The following MINDY3 variants were observed in gnomAD, a reference collection of about 807,000 sequenced individuals.
MINDY3 encodes ubiquitin carboxyl-terminal hydrolase MINDY-3.
In MINDY3, 38 loss-of-function variants were observed where a neutral mutation model predicts 69.2. That is an observed-to-expected ratio of 0.55 (90% CI 0.42 to 0.72). The LOEUF (loss-of-function observed/expected upper bound fraction) is 0.72, where lower values mean the gene tolerates loss of function less well. Among genes scored for constraint, MINDY3 ranks in the 30% least tolerant of loss-of-function variants. The pLI, the probability that MINDY3 is intolerant of heterozygous loss-of-function variation, is 0.00. For missense variants in MINDY3, 522 were observed against 519.0 expected, an observed-to-expected ratio of 1.01 and a Z score of -0.06; for synonymous variants, 192 against 180.1, an observed-to-expected ratio of 1.07 and a Z score of -0.53.
At chr10:15,854,609 G>A (rs1292400241) in intron 1 of MINDY3, among the ~76,000 whole-genome samples, 1 of 152,020 alleles carries the variant, frequency 6.6e-6, no homozygotes, top group Non-Finnish European at 1.5e-5. Flanking sequence ...AAAGTGAACA[G>A]GTGTTATATT....
intron 13 of MINDY3, among the ~76,000 whole-genome samples, chr10:15,785,329 C>T (rs1005500274): frequency 1.3e-5 from 2 of 152,038 alleles, no homozygotes; most frequent in Non-Finnish European, 2.9e-5. Context: ...GGACTAGAAC[C>T]CTCTTTTTAC....
At chr10:15,831,669 TTTTC>T (rs1262127745) in intron 8 of MINDY3, among the ~76,000 whole-genome samples, 39 of 144,092 alleles carry the variant, frequency 2.7e-4, no homozygotes, top group African/African-American at 1.1e-3. Flanking sequence ...AGGAGCCTCC[TTTTC>T]TTTTTTTTTT....
intron 8 of MINDY3, among the ~76,000 whole-genome samples, chr10:15,831,839 T>C (rs1048109849): frequency 1.3e-5 from 2 of 151,790 alleles, no homozygotes; most frequent in African/African-American, 4.8e-5. Context: ...CCACATCTGG[T>C]TAATTTTTGT....
Position 15,778,855 on chromosome 10 carries a change from C to T in MINDY3, c.*137G>A, listed in dbSNP as rs1284019973. Reference sequence around the variant, plus strand: ...ACAAATAATTTAAACATATCATAAACACTGAAAATGTGTTTTTAATTGTTA... The same window carrying T: ...ACAAATAATTTAAACATATCATAAATACTGAAAATGTGTTTTTAATTGTTA... On this transcript the variant is annotated 3_prime_UTR_variant, in exon 15 of 15. Transcript: ENST00000277632. 1 of 661,576 alleles carries T rather than the reference C, an allele frequency of 1.5e-6. No homozygotes were observed. The highest frequency in any genetic ancestry group is 1.8e-5 in the African/African-American group (1 of 54,374). 41.0% of individuals were successfully genotyped at this position (661,576 alleles called of 1,614,324 possible).
In MINDY3 at chr10:15,816,260, CAAAAAAAAAAA is replaced by C. The variant is rs1164005904; in HGVS notation, c.882+564_882+574del. ...TGGGCAACACAGTGAGACTCCATCT[CAAAAAAAAAAA>C]AAAAAAAAATGAAAAAGAAAAAAAA... is the stretch of plus-strand genomic sequence containing the variant. On this transcript the variant is annotated intron_variant, in intron 10 of 14. Coordinates refer to ENST00000277632, the MANE Select transcript of MINDY3 (RefSeq NM_024948.4). Among the ~76,000 whole-genome samples the C allele has an allele frequency of 2.2e-4, 6 of 26,828 alleles. No individual in the cohort carries two copies. The East Asian group carries it at 4.8e-3, about 21-fold the overall frequency. 17.6% of individuals were successfully genotyped at this position (26,828 alleles called of 152,430 possible). A position where few individuals can be genotyped will look rare whatever the true frequency, so the allele number is the denominator to read the frequency against.
intron 9 of MINDY3, among the ~76,000 whole-genome samples, chr10:15,818,669 A>C (rs1839541770): frequency 6.6e-6 from 1 of 152,226 alleles, no homozygotes; most frequent in South Asian, 2.1e-4. Flanking sequence ...GGAATGAAAT[A>C]CTAACACATG....
At chr10:15,836,904 G>A (rs1833122708) in intron 6 of MINDY3, among the ~76,000 whole-genome samples, 1 of 151,746 alleles carries the variant, frequency 6.6e-6, no homozygotes, top group African/African-American at 2.4e-5. Context: ...ACAGCTTCCA[G>A]AAGGGGTTAA....
chr10:15,791,782 GGATAA>G (rs1469835201), intron 11 of MINDY3, among the ~76,000 whole-genome samples: 2 of 152,078 alleles, frequency 1.3e-5, no homozygotes, highest in African/African-American at 4.8e-5. Context: ...GTAATTTCCT[GGATAA>G]GATAACTATT....
chr10:15,822,078 G>C (rs1839806456), intron 8 of MINDY3, among the ~76,000 whole-genome samples: 1 of 152,092 alleles, frequency 6.6e-6, no homozygotes, highest in South Asian at 2.1e-4. Context: ...CTATGTAAAA[G>C]GGCTAACTTG....
chr10:15,791,724 T>A (rs1294780727), intron 11 of MINDY3, among the ~76,000 whole-genome samples: 1 of 152,076 alleles, frequency 6.6e-6, no homozygotes, highest in Non-Finnish European at 1.5e-5. Context: ...TGGGGAGGAA[T>A]AACTCAATGC....
intron 1 of MINDY3, among the ~76,000 whole-genome samples, chr10:15,859,063 C>T (rs963782645): frequency 3.3e-5 from 5 of 152,134 alleles, no homozygotes; most frequent in African/African-American, 1.2e-4. Flanking sequence ...GCAACTTTGG[C>T]CCAGTCATTT....
At chr10:15,854,003 A>T (rs1834504907) in intron 1 of MINDY3, among the ~76,000 whole-genome samples, 1 of 152,140 alleles carries the variant, frequency 6.6e-6, no homozygotes, top group Admixed American at 6.6e-5. Flanking sequence ...CTGGTATGGT[A>T]TAATGACATA....
intron 10 of MINDY3, among the ~76,000 whole-genome samples, chr10:15,813,764 G>A (rs1393078839): frequency 6.6e-6 from 1 of 152,008 alleles, no homozygotes; most frequent in Non-Finnish European, 1.5e-5. Flanking sequence ...ATTTCACAAC[G>A]CCAAATTACA....
chr10:15,792,057 T>TAACA (rs1486325103), intron 11 of MINDY3, among the ~76,000 whole-genome samples: 4 of 152,084 alleles, frequency 2.6e-5, no homozygotes, highest in Non-Finnish European at 5.9e-5. Flanking sequence ...TACTTGAGAC[T>TAACA]AACATTTTCC....
Position 15,834,635 on chromosome 10 carries a change from T to C in MINDY3, c.577-19A>G, listed in dbSNP as rs775941994. On this transcript the variant is annotated intron_variant, in intron 6 of 14. Coordinates refer to ENST00000277632, the MANE Select transcript of MINDY3 (RefSeq NM_024948.4). ...CAATGCCCTAAAGAAACAGAATTCA[T>C]TGACTTATTTTAAAAAACTAAAATG... The C allele has an allele frequency of 2.6e-6, 4 of 1,565,950 alleles. No individual in the cohort carries two copies. The highest frequency in any genetic ancestry group is 3.5e-6 in the Non-Finnish European group (4 of 1,138,884).
intron 11 of MINDY3, among the ~76,000 whole-genome samples, chr10:15,794,024 C>T (rs759901673): frequency 6.6e-6 from 1 of 152,070 alleles, no homozygotes; most frequent in African/African-American, 2.4e-5. Flanking sequence ...GTGTTAACAG[C>T]GTGACTGCAA....
Position 15,838,261 on chromosome 10 carries a change from T to G in MINDY3, c.428A>C (p.Glu143Ala). 1.2e-6 allele frequency: 2 copies of G among 1,603,830 alleles called. No homozygotes were observed. The highest frequency in any genetic ancestry group is 8.5e-7 in the Non-Finnish European group (1 of 1,176,106). Residue 143 changes from glutamate (E) to alanine (A), a missense_variant, in exon 5 of 15, where the codon GAG becomes GCG. By Grantham distance (107) the Glu-to-Ala change is moderately radical. Coordinates refer to ENST00000277632, the MANE Select transcript of MINDY3 (RefSeq NM_024948.4). Reference sequence around the variant, plus strand: ...TGCATGAAATCGCTCAAAGCCAAGCTCTTCGACAGCCAAGGCAGCTATACA... The same window carrying G: ...TGCATGAAATCGCTCAAAGCCAAGCGCTTCGACAGCCAAGGCAGCTATACA... ...VEHSSALAVE[E>A]LGFERFHALI...
chr10:15,785,184 C>T (rs1306838283), intron 13 of MINDY3, among the ~76,000 whole-genome samples: 2 of 152,156 alleles, frequency 1.3e-5, no homozygotes, highest in African/African-American at 4.8e-5. Context: ...ATGAACTATA[C>T]AGACAATGAG....
In MINDY3 at chr10:15,833,649, A is replaced by G. The variant is rs1198836334; in HGVS notation, c.711T>C (p.Asp237=). 1.2e-6 allele frequency: 2 copies of G among 1,608,436 alleles called. No homozygotes were observed. The highest frequency in any genetic ancestry group is 1.1e-5 in the South Asian group (1 of 90,890). The change falls in exon 8 of 15, where the codon GAT becomes GAC. Residue 237 remains aspartate, a synonymous_variant. Transcript: ENST00000277632. The part of the protein sequence containing the change: ...GHAVSNVWDG[D]RECSGMKLLG... ...ACTTACTCATTCCTGAGCACTCTCT[A>G]TCACCATCCCATACATTAGAAACAG...
Sources: gnomAD v4.1 joint callset for allele counts (sites outside exome capture counted in the v4.1 genomes callset) on GRCh38, gnomAD v4.1.1 for gene constraint, MANE v1.5 for transcripts, NCBI Gene and HGNC (gene_info 2026-07-23, HGNC 2026-07-21) for gene names.